Variants in A2M observed in about 807,000 individuals in gnomAD.
The protein encoded by A2M is C3 and PZP-like alpha-2-macroglobulin domain-containing protein 5.
In A2M, 128 loss-of-function variants were observed where a neutral mutation model predicts 183.9. The ratio of observed to expected loss-of-function variants is 0.70; its 90% confidence interval spans 0.60 to 0.81. A2M has a LOEUF of 0.81. Ranked by LOEUF, A2M falls within the 30% of genes least tolerant of loss-of-function variation. The probability of loss-of-function intolerance (pLI) is 0.00; values close to 1 mark genes in which losing one functional copy is unlikely to be tolerated. For synonymous variants in A2M, 592 were observed against 670.8 expected, an observed-to-expected ratio of 0.88 and a Z score of 1.81; for missense variants, 1,495 against 1,787.6, an observed-to-expected ratio of 0.84 and a Z score of 2.95.
In A2M at chr12:9,104,377, G is replaced by A. The variant is rs975478908; in HGVS notation, c.1128C>T (p.Gly376=). ...ATATGACTTTATTTGGTATAGGGACGCCTTTCCCATCTACTAGGCGCACCT... is the reference window on the plus strand; with the variant it reads ...ATATGACTTTATTTGGTATAGGGACACCTTTCCCATCTACTAGGCGCACCT... ...FGQVRLVDGK[G]VPIPNKVIFI... The change falls in exon 11 of 36, where the codon GGC becomes GGT. Residue 376 remains glycine, a synonymous_variant. Coordinates refer to ENST00000318602, the MANE Select transcript of A2M (RefSeq NM_000014.6). The A allele has an allele frequency of 5.4e-5, 86 of 1,595,210 alleles. No homozygotes were observed. The highest frequency in any genetic ancestry group is 6.7e-5 in the Non-Finnish European group (78 of 1,169,962).
chr12:9,107,869 TC>T (rs1387749800), intron 7 of A2M, among the ~76,000 whole-genome samples: 3 of 152,098 alleles, frequency 2.0e-5, no homozygotes, highest in Non-Finnish European at 2.9e-5. Context: ...TTCTTTTTTT[TC>T]CTCGTTTTTT....
At chr12:9,076,385 G>A (rs1327773286) in intron 28 of A2M, among the ~76,000 whole-genome samples, 1 of 152,208 alleles carries the variant, frequency 6.6e-6, no homozygotes, top group African/African-American at 2.4e-5. Flanking sequence ...GGAAGTTAAT[G>A]ACTTTCCCAA....
chr12:9,072,823 A>C lies in A2M; in HGVS notation c.3805T>G (p.Phe1269Val). Residue 1269 changes from phenylalanine (F) to valine (V), a missense_variant, in exon 30 of 36, where the codon TTT (phenylalanine) becomes GTT (valine). By Grantham distance (50) the Phe-to-Val change is conservative. Transcript: ENST00000318602. ...HALSKYGAATFTRTGKAAQVT... is the reference protein window; with the variant it reads ...HALSKYGAATVTRTGKAAQVT... ...TGTGCAGCCTTCCCAGTCCTGGTAA[A>C]TGTGGCTGCTCCATATTTGGACAGA... The C allele has an allele frequency of 6.2e-7, 1 of 1,614,140 alleles. No homozygotes were observed. Among genetic ancestry groups the C allele is most frequent in the Non-Finnish European group, 8.5e-7 (1 of 1,179,986 alleles).
rs183711261 is a variant in A2M, at chr12:9,074,798, A to G, written c.3533-15T>C. Reference sequence around the variant, plus strand: ...GACAGAGTTGTCTTAAAGATGAGAAAAAGATATTTATAAGTGCCTACATAT... The same window carrying G: ...GACAGAGTTGTCTTAAAGATGAGAAGAAGATATTTATAAGTGCCTACATAT... On this transcript the variant is annotated splice_polypyrimidine_tract_variant and intron_variant, in intron 28 of 35. Coordinates refer to ENST00000318602, the MANE Select transcript of A2M (RefSeq NM_000014.6). The G allele has an allele frequency of 3.5e-5, 56 of 1,590,574 alleles. No individual in the cohort carries two copies. The highest frequency in any genetic ancestry group is 4.7e-5 in the Non-Finnish European group (55 of 1,168,458).
intron 17 of A2M, among the ~76,000 whole-genome samples, chr12:9,094,314 C>T (rs1350752087): frequency 7.4e-6 from 1 of 135,264 alleles, no homozygotes; most frequent in African/African-American, 2.8e-5. Context: ...TATTTCACAA[C>T]CAGCTCTCTG....
intron 4 of A2M, chr12:9,111,519 A>G (rs1565604943): frequency 2.2e-6 from 1 of 456,428 alleles, no homozygotes; most frequent in East Asian, 6.9e-5. Context: ...AAATAGTCTG[A>G]ATATATTTTA....
rs1271418726 is a variant in A2M, at chr12:9,095,634, C to T, written c.1918G>A (p.Glu640Lys). 1 of 1,609,862 alleles carries T rather than the reference C, an allele frequency of 6.2e-7. No individual in the cohort carries two copies. Among genetic ancestry groups the T allele is most frequent in the Admixed American group, 1.7e-5 (1 of 59,922 alleles). ...ACATTATGACGATTGATGCAGTCTT[C>T]ATTGTCCTGGTCATTCAAAGGCCCA... ...FPGPLNDQDNEDCINRHNVYI... is the reference protein window; with the variant it reads ...FPGPLNDQDNKDCINRHNVYI... Residue 640 changes from glutamate to lysine, a missense_variant, in exon 16 of 36, where the codon GAA becomes AAA. Coordinates refer to ENST00000318602, the MANE Select transcript of A2M (RefSeq NM_000014.6).
chr12:9,074,453 A>C, intron 29 of A2M, 107 bp downstream of exon 29: 1 of 1,121,392 alleles, frequency 8.9e-7, no homozygotes, highest in South Asian at 1.6e-5. Flanking sequence ...TCCTCATTTC[A>C]AGTTACTGTC....
At position 9,113,351 on chromosome 12, in the gene A2M, C is replaced by T. The variant is rs1938888691; in HGVS notation, c.270+9G>A. 1.2e-6 allele frequency: 2 copies of T among 1,612,452 alleles called. No individual in the cohort carries two copies. Among genetic ancestry groups the T allele is most frequent in the Non-Finnish European group, 1.7e-6 (2 of 1,179,528 alleles). ...AACCAAGTATATTAAGTCAAACAGC[C>T]ACACTCACAGCGAAGGCGACACAGT... On this transcript the variant is annotated intron_variant, in intron 2 of 35. Coordinates refer to ENST00000318602, the MANE Select transcript of A2M (RefSeq NM_000014.6).
At chr12:9,068,026 CG>C (rs1324948681) in intron 35 of A2M, 156 bp downstream of exon 35, 10 of 975,790 alleles carry the variant, frequency 1.0e-5, no homozygotes, top group Non-Finnish European at 1.4e-5. Flanking sequence ...ACAGAGTCAG[CG>C]GCCCTCTCCA....
At position 9,101,630 on chromosome 12, in the gene A2M, C is replaced by T. The variant is rs226396; in HGVS notation, c.1311G>A (p.Val437=). Residue 437 remains valine (V), a synonymous_variant, in exon 12 of 36, where the codon GTG becomes GTA. Transcript: ENST00000318602. ...GATGTGCCTCTTCGTGTTCTTCTGA[C>T]ACCCACTGGTAGCCGTAACAGGGAC... is the stretch of plus-strand genomic sequence containing the variant. ...DRSPCYGYQW[V]SEEHEEAHHT... 3.3e-3 allele frequency: 5,402 copies of T among 1,613,950 alleles called. 180 individuals are homozygous for T. In the African/African-American group the frequency reaches 0.063, roughly 19 times the overall value.
At chr12:9,071,648 A>G (rs1291496252) in intron 31 of A2M, among the ~76,000 whole-genome samples, 1 of 151,998 alleles carries the variant, frequency 6.6e-6, no homozygotes, top group Non-Finnish European at 1.5e-5. Flanking sequence ...TTGTGTCCAT[A>G]TGTTCTCATC....
chr12:9,111,971 C>A (rs1056710896), intron 4 of A2M, 188 bp downstream of exon 4: 2 of 760,466 alleles, frequency 2.6e-6, no homozygotes, highest in Non-Finnish European at 4.9e-6. Flanking sequence ...AGCACCAAGA[C>A]AGAAAGAATT....
At chr12:9,115,961 G>A, upstream of A2M, 1 of 857,152 alleles carries the variant, frequency 1.2e-6, no homozygotes, top group East Asian at 2.5e-5. Context: ...TGCTCTGTGT[G>A]CAAACAGGAA....
intron 22 of A2M, among the ~76,000 whole-genome samples, chr12:9,086,688 A>C (rs1267432634): frequency 2.0e-5 from 3 of 152,222 alleles, no homozygotes; most frequent in Non-Finnish European, 4.4e-5. Flanking sequence ...TACATATTTA[A>C]CAGTGGAAAA....
chr12:9,067,984 C>G, intron 35 of A2M, 145 bp from the exon 36 acceptor site: 1 of 981,272 alleles, frequency 1.0e-6, no homozygotes, highest in Non-Finnish European at 1.6e-6. Context: ...AATCATTACC[C>G]ATAAGCAATC....
chr12:9,087,720 A>T (rs949349488), intron 22 of A2M, among the ~76,000 whole-genome samples: 2 of 152,168 alleles, frequency 1.3e-5, no homozygotes, highest in Non-Finnish European at 2.9e-5. Flanking sequence ...TTTTATTCAT[A>T]AATCATAACA....
intron 18 of A2M, among the ~76,000 whole-genome samples, chr12:9,093,245 G>T (rs755918117): frequency 1.3e-5 from 2 of 151,974 alleles, no homozygotes; most frequent in Non-Finnish European, 2.9e-5. Flanking sequence ...AGGTGTGCTT[G>T]CTATGCACAC....
Position 9,088,400 on chromosome 12 carries a change from G to A in A2M, c.2770+800C>T, listed in dbSNP as rs752838339. On this transcript the variant is annotated intron_variant, in intron 22 of 35. Transcript: ENST00000318602. ...ACATCAAAATGAGTAACTCAGAAAC[G>A]GAGAAGTCATGATAAAAGGATTGAA... Among the ~76,000 whole-genome samples, 140 of 151,980 alleles carry A rather than the reference G, an allele frequency of 9.2e-4. 1 individual carries two copies. The highest frequency in any genetic ancestry group is 3.2e-3 in the African/African-American group (134 of 41,470).
Sources: allele counts gnomAD v4.1 joint callset (sites outside exome capture counted in the v4.1 genomes callset), GRCh38; gene constraint gnomAD v4.1.1; transcripts MANE v1.5; gene names NCBI Gene and HGNC (gene_info 2026-07-23, HGNC 2026-07-21).